Variants in TCF7L2 observed in about 807,000 individuals in gnomAD.
TCF7L2 encodes the protein transcription factor 7-like 2.
In TCF7L2, 23 loss-of-function variants were observed where a neutral mutation model predicts 77.9. That is an observed-to-expected ratio of 0.30 (90% CI 0.21 to 0.42). The LOEUF (loss-of-function observed/expected upper bound fraction) is 0.42. Among genes scored for constraint, TCF7L2 ranks in the 10% least tolerant of loss-of-function variants. The pLI, the probability that TCF7L2 is intolerant of heterozygous loss-of-function variation, is 1.00. For synonymous variants in TCF7L2, 413 were observed against 340.2 expected, an observed-to-expected ratio of 1.21 and a Z score of -2.36; for missense variants, 654 against 793.1, an observed-to-expected ratio of 0.82 and a Z score of 2.11.
At chr10:113,127,011 G>A in intron 5 of TCF7L2, 1 of 851,886 alleles carries the variant, frequency 1.2e-6, no homozygotes, top group Non-Finnish European at 1.4e-6. Flanking sequence ...TGCCATGTTC[G>A]CTGTCACTTT....
chr10:113,088,459 A>C (rs1591533270), intron 5 of TCF7L2, among the ~76,000 whole-genome samples: 1 of 152,098 alleles, frequency 6.6e-6, no homozygotes, highest in African/African-American at 2.4e-5. Context: ...TAAGAGGCAC[A>C]CTCCTGTCCA....
intron 5 of TCF7L2, among the ~76,000 whole-genome samples, chr10:113,053,671 C>T (rs1012030383): frequency 3.9e-5 from 6 of 152,284 alleles, no homozygotes; most frequent in Admixed American, 2.0e-4. Context: ...TCATTTTGAT[C>T]GTTACAGAAC....
At chr10:112,976,180 G>C (rs974379633) in intron 4 of TCF7L2, among the ~76,000 whole-genome samples, 1 of 152,182 alleles carries the variant, frequency 6.6e-6, no homozygotes, top group African/African-American at 2.4e-5. Context: ...GATCTGGGCA[G>C]TACGATGATA....
intron 5 of TCF7L2, among the ~76,000 whole-genome samples, chr10:113,133,879 C>A (rs144056123): frequency 6.6e-6 from 1 of 152,150 alleles, no homozygotes; most frequent in Admixed American, 6.5e-5. Flanking sequence ...GGATTGGAGA[C>A]GCTCTAACTC....
intron 4 of TCF7L2, among the ~76,000 whole-genome samples, chr10:112,968,574 G>A (rs1313562266): frequency 6.6e-6 from 1 of 151,946 alleles, no homozygotes; most frequent in Non-Finnish European, 1.5e-5. Flanking sequence ...AGGTATACTC[G>A]GGTTTTCTTT....
At chr10:113,024,016 T>C (rs114863326) in intron 4 of TCF7L2, among the ~76,000 whole-genome samples, 20,397 of 151,696 alleles carry the variant, frequency 0.13, 1,465 homozygotes, top group Non-Finnish European at 0.15. Flanking sequence ...TCCAACCTGG[T>C]GCTGGGCTTG....
intron 4 of TCF7L2, among the ~76,000 whole-genome samples, chr10:112,974,084 T>C (rs1450457196): frequency 6.6e-6 from 1 of 152,214 alleles, no homozygotes; most frequent in Non-Finnish European, 1.5e-5. Flanking sequence ...TTTCTATCTT[T>C]CCAGGAGAGG....
At chr10:112,998,181 C>T (rs1402624086) in intron 4 of TCF7L2, among the ~76,000 whole-genome samples, 5 of 151,504 alleles carry the variant, frequency 3.3e-5, no homozygotes, top group Admixed American at 1.3e-4. Context: ...TCAAGAGGTG[C>T]TCTCACCTCA....
chr10:113,110,390 T>TG (rs1555073689), intron 5 of TCF7L2, among the ~76,000 whole-genome samples: 1 of 106,164 alleles, frequency 9.4e-6, no homozygotes, highest in South Asian at 3.5e-4. Flanking sequence ...TTTTTTTTTT[T>TG]ACGAATTTTT....
At chr10:113,015,863 G>C (rs1417104345) in intron 4 of TCF7L2, among the ~76,000 whole-genome samples, 2 of 152,176 alleles carry the variant, frequency 1.3e-5, no homozygotes, top group Non-Finnish European at 2.9e-5. Flanking sequence ...GTGTGCTTCA[G>C]ATTGTGGACA....
At chr10:113,155,518 A>G (rs1374638329) in intron 11 of TCF7L2, among the ~76,000 whole-genome samples, 1 of 152,226 alleles carries the variant, frequency 6.6e-6, no homozygotes, top group Non-Finnish European at 1.5e-5. Context: ...AGAAGTCTCT[A>G]GTCTAAATGA....
chr10:113,080,283 C>G (rs1427229211), intron 5 of TCF7L2, among the ~76,000 whole-genome samples: 1 of 151,910 alleles, frequency 6.6e-6, no homozygotes, highest in East Asian at 1.9e-4. Context: ...CCGTTTCAAG[C>G]TGAGAAACCC....
chr10:113,148,113 GC>G (rs1365174710), intron 8 of TCF7L2, among the ~76,000 whole-genome samples: 14 of 152,154 alleles, frequency 9.2e-5, no homozygotes, highest in Admixed American at 8.5e-4. Context: ...CAGCAGTGGG[GC>G]CAGGACTTCT....
chr10:112,959,175 T>TC (rs2034441394), intron 3 of TCF7L2, among the ~76,000 whole-genome samples: 1 of 152,046 alleles, frequency 6.6e-6, no homozygotes, highest in Admixed American at 6.5e-5. Context: ...CTCAACTTTT[T>TC]TTTTTTGCGA....
intron 5 of TCF7L2, among the ~76,000 whole-genome samples, chr10:113,049,761 T>C (rs1446756452): frequency 1.3e-5 from 2 of 152,194 alleles, no homozygotes; most frequent in African/African-American, 4.8e-5. Flanking sequence ...TATTTTGTCC[T>C]GTCACTTGAT....
At chr10:113,156,590 G>A (rs1365765090) in intron 11 of TCF7L2, among the ~76,000 whole-genome samples, 1 of 152,206 alleles carries the variant, frequency 6.6e-6, no homozygotes, top group Non-Finnish European at 1.5e-5. Context: ...ATGAGGGGAG[G>A]GAGAACTAGT....
In TCF7L2 at chr10:113,027,967, G is replaced by C. The variant is rs12262948; in HGVS notation, c.451-12058G>C. Among the ~76,000 whole-genome samples the C allele has an allele frequency of 5.4e-3, 824 of 152,328 alleles. 4 individuals carry two copies. Among genetic ancestry groups the C allele is most frequent in the African/African-American group, 0.019 (784 of 41,568 alleles). On this transcript the variant is annotated intron_variant, in intron 4 of 13. Coordinates refer to ENST00000627217, the MANE Select transcript of TCF7L2 (RefSeq NM_001146274.2). ...TCGGGTCTGCAGTCAGACGAGAAGC[G>C]TGTGGGCAAAGGGAACTATTGTGTG...
At chr10:112,986,607 C>G (rs1373271611) in intron 4 of TCF7L2, among the ~76,000 whole-genome samples, 4 of 152,174 alleles carry the variant, frequency 2.6e-5, no homozygotes, top group Admixed American at 2.6e-4. Context: ...TATAATCGGT[C>G]TGCACACTTA....
At chr10:113,157,869 C>T (rs969602151) in intron 11 of TCF7L2, 152 bp from the exon 12 acceptor site, 7 of 718,550 alleles carry the variant, frequency 9.7e-6, no homozygotes, top group Middle Eastern at 3.9e-4. Context: ...TGGCTTGAAG[C>T]GGGGTTGGAG....
Sources: gnomAD v4.1 joint callset for allele counts (sites outside exome capture counted in the v4.1 genomes callset) on GRCh38, gnomAD v4.1.1 for gene constraint, MANE v1.5 for transcripts, NCBI Gene and HGNC (gene_info 2026-07-23, HGNC 2026-07-21) for gene names.